PDE1C: variants seen among roughly 807,000 people sequenced by gnomAD.
The protein encoded by PDE1C is phosphodiesterase 1C.
A neutral mutation model predicts 93.1 loss-of-function variants in PDE1C; 62 were observed. The observed-to-expected ratio is 0.67, with a 90% CI of 0.54 to 0.82. The LOEUF is 0.82. Ranked by LOEUF, PDE1C falls within the 40% of genes least tolerant of loss-of-function variation. The pLI, the probability that PDE1C is intolerant of heterozygous loss-of-function variation, is 0.00. For synonymous variants in PDE1C, 325 were observed against 310.1 expected, an observed-to-expected ratio of 1.05 and a Z score of -0.50; for missense variants, 742 against 884.6, an observed-to-expected ratio of 0.84 and a Z score of 2.04.
At chr7:31,934,288 A>G (rs1183985255) in intron 2 of PDE1C, among the ~76,000 whole-genome samples, 2 of 152,196 alleles carry the variant, frequency 1.3e-5, no homozygotes, top group African/African-American at 2.4e-5. Flanking sequence ...GATTCAAAAA[A>G]TGATTCAGTT....
At chr7:32,087,645 T>C (rs1258340458) in intron 3 of PDE1C, among the ~76,000 whole-genome samples, 1 of 152,120 alleles carries the variant, frequency 6.6e-6, no homozygotes, top group African/African-American at 2.4e-5. Flanking sequence ...ATGTGGCACA[T>C]ATACACCATG....
intron 2 of PDE1C, among the ~76,000 whole-genome samples, chr7:32,020,080 T>A (rs1050242263): frequency 2.0e-5 from 3 of 152,072 alleles, no homozygotes; most frequent in Non-Finnish European, 2.9e-5. Context: ...ACTCAGGCCA[T>A]GGAGAGCCCA....
chr7:32,220,979 A>G (rs956548234), intron 1 of PDE1C, among the ~76,000 whole-genome samples: 1 of 152,138 alleles, frequency 6.6e-6, no homozygotes, highest in Non-Finnish European at 1.5e-5. Context: ...CTCCAAAAGA[A>G]AGGAAGCTCT....
intron 2 of PDE1C, among the ~76,000 whole-genome samples, chr7:32,047,184 C>G (rs1413034569): frequency 6.6e-6 from 1 of 151,920 alleles, no homozygotes; most frequent in Non-Finnish European, 1.5e-5. Flanking sequence ...TTGGTTATTT[C>G]TAAGTATTTC....
chr7:31,638,621 G>A, the PDE1C span, among the ~76,000 whole-genome samples: 2 of 152,082 alleles, frequency 1.3e-5, no homozygotes, highest in Non-Finnish European at 2.9e-5. Flanking sequence ...CCCTAAAGAT[G>A]TTACTCAACT....
At chr7:31,647,441 C>T in the PDE1C span, among the ~76,000 whole-genome samples, 2 of 151,274 alleles carry the variant, frequency 1.3e-5, no homozygotes. Context: ...ATGGGTGGAT[C>T]ACCTGAGGTT....
intron 1 of PDE1C, among the ~76,000 whole-genome samples, chr7:32,213,504 G>GC (rs1358874536): frequency 1.3e-5 from 2 of 152,062 alleles, no homozygotes; most frequent in Non-Finnish European, 2.9e-5. Context: ...AAGTGCTGTC[G>GC]CCCGGCTCGT....
At chr7:32,077,909 T>C in intron 3 of PDE1C, 2 of 985,412 alleles carry the variant, frequency 2.0e-6, no homozygotes, top group South Asian at 9.4e-5. Context: ...CCAAGAAGTC[T>C]GCCAGCTTCC....
chr7:32,139,198 T>G (rs1800374436), intron 3 of PDE1C, among the ~76,000 whole-genome samples: 1 of 151,790 alleles, frequency 6.6e-6, no homozygotes, highest in African/African-American at 2.4e-5. Context: ...CACAATGGCA[T>G]GATCACGGCT....
At chr7:31,764,435 C>A (rs893576100) in intron 17 of PDE1C, among the ~76,000 whole-genome samples, 2 of 152,104 alleles carry the variant, frequency 1.3e-5, no homozygotes. Flanking sequence ...ATGAGCCACC[C>A]TGCCCAGCCC....
chr7:32,033,236 C>T (rs1483417887), intron 2 of PDE1C, among the ~76,000 whole-genome samples: 1 of 152,002 alleles, frequency 6.6e-6, no homozygotes, highest in East Asian at 1.9e-4. Context: ...CTCTTTGTGA[C>T]TCATCCACAG....
chr7:32,319,270 C>T (rs1783236984), intron 1 of PDE1C, among the ~76,000 whole-genome samples: 1 of 152,216 alleles, frequency 6.6e-6, no homozygotes, highest in Admixed American at 6.5e-5. Flanking sequence ...TGCTCCTGTG[C>T]GCTCCCTGCC....
chr7:32,309,606 T>C (rs542072531), intron 1 of PDE1C, among the ~76,000 whole-genome samples: 3 of 152,186 alleles, frequency 2.0e-5, no homozygotes, highest in African/African-American at 4.8e-5. Context: ...AACATTCTTA[T>C]AGAAAAGAAT....
intron 3 of PDE1C, among the ~76,000 whole-genome samples, chr7:32,144,806 T>C (rs1486068712): frequency 1.3e-5 from 2 of 152,120 alleles, no homozygotes; most frequent in Non-Finnish European, 2.9e-5. Context: ...GTCTCAACTA[T>C]TTCCCCCTTA....
intron 1 of PDE1C, among the ~76,000 whole-genome samples, chr7:32,370,526 C>T (rs1054030136): frequency 6.0e-5 from 9 of 150,556 alleles, no homozygotes; most frequent in African/African-American, 2.0e-4. Context: ...TCTGAGCAAA[C>T]TATCACAAGG....
chr7:32,293,758 C>T (rs1405535439), intron 1 of PDE1C, among the ~76,000 whole-genome samples: 1 of 152,182 alleles, frequency 6.6e-6, no homozygotes, highest in Non-Finnish European at 1.5e-5. Context: ...GAAGTAGGTC[C>T]ATGAGCACTG....
At chr7:32,266,594 T>A (rs1032144711) in intron 1 of PDE1C, among the ~76,000 whole-genome samples, 2 of 152,118 alleles carry the variant, frequency 1.3e-5, no homozygotes, top group African/African-American at 4.8e-5. Context: ...CAAATAAAAA[T>A]AATTCAGATA....
intron 3 of PDE1C, among the ~76,000 whole-genome samples, chr7:32,119,875 G>C (rs543826660): frequency 6.6e-6 from 1 of 152,204 alleles, no homozygotes; most frequent in East Asian, 1.9e-4. Flanking sequence ...CAAGTTTCCC[G>C]GGGGAAGGGC....
chr7:32,071,858 G>T (rs1249129673), upstream of PDE1C, among the ~76,000 whole-genome samples: 2 of 152,168 alleles, frequency 1.3e-5, no homozygotes, highest in African/African-American at 4.8e-5. Context: ...CTTCCTTCTA[G>T]GTGAAGCCAC....
Sources: gnomAD v4.1 joint callset for allele counts (sites outside exome capture counted in the v4.1 genomes callset) on GRCh38, gnomAD v4.1.1 for gene constraint, MANE v1.5 for transcripts, NCBI Gene and HGNC (gene_info 2026-07-23, HGNC 2026-07-21) for gene names.